The following CDH5 variants were observed in gnomAD, a reference collection of about 807,000 sequenced individuals.
CDH5 encodes the protein cadherin-5.
In CDH5, 28 loss-of-function variants were observed where a neutral mutation model predicts 62.0. The ratio of observed to expected loss-of-function variants is 0.45; its 90% CI spans 0.33 to 0.62. CDH5 has a LOEUF of 0.62. Among genes scored for constraint, CDH5 ranks in the 20% least tolerant of loss-of-function variants. The probability of loss-of-function intolerance (pLI) is 0.02; values close to 1 mark genes in which losing one functional copy is unlikely to be tolerated. For missense variants in CDH5, 940 were observed against 1,065.1 expected (o/e 0.88, Z 1.63); for synonymous variants, 464 against 445.8 (o/e 1.04, Z -0.52).
At chr16:66,384,622 T>G (rs1247579867) in intron 2 of CDH5, among the ~76,000 whole-genome samples, 1 of 130,640 alleles carries the variant, frequency 7.7e-6, no homozygotes, top group African/African-American at 3.0e-5. Flanking sequence ...AGCTTGGTGG[T>G]GCACACTTGT....
intron 1 of CDH5, among the ~76,000 whole-genome samples, chr16:66,372,836 C>T (rs577675252): frequency 6.6e-6 from 1 of 152,322 alleles, no homozygotes; most frequent in South Asian, 2.1e-4. Context: ...CTCACTCCGT[C>T]CTCTCATTTT....
At chr16:66,402,275 G>A (rs1329910368) in intron 11 of CDH5, among the ~76,000 whole-genome samples, 1 of 151,172 alleles carries the variant, frequency 6.6e-6, no homozygotes, top group African/African-American at 2.4e-5. Context: ...CCCCTCCTTA[G>A]GGATCCAAGA....
intron 11 of CDH5, 26 bp from the exon 12 acceptor site, chr16:66,402,624 ACT>A (rs1198830156): frequency 3.3e-6 from 5 of 1,530,578 alleles, no homozygotes; most frequent in Non-Finnish European, 4.4e-6. Context: ...GCCTTGTCTG[ACT>A]CTGCTGCTCG....
At chr16:66,393,694 T>C (rs1161177346) in intron 7 of CDH5, among the ~76,000 whole-genome samples, 1 of 152,260 alleles carries the variant, frequency 6.6e-6, no homozygotes, top group Non-Finnish European at 1.5e-5. Context: ...ATCTTAGATA[T>C]ACATAAAAGT....
intron 2 of CDH5, among the ~76,000 whole-genome samples, chr16:66,381,249 C>G (rs1214524549): frequency 5.3e-5 from 8 of 152,168 alleles, no homozygotes; most frequent in Non-Finnish European, 2.9e-5. Flanking sequence ...TCCACAACAC[C>G]TGTAATGAGG....
At chr16:66,377,314 TG>T (rs1960804040) in intron 1 of CDH5, 1 of 152,234 alleles carries the variant, frequency 6.6e-6, no homozygotes, top group Non-Finnish European at 1.5e-5. Flanking sequence ...CATTTATGGC[TG>T]AGGAAACTGA....
At chr16:66,369,979 T>TG (rs1960655427) in intron 1 of CDH5, among the ~76,000 whole-genome samples, 1 of 110,784 alleles carries the variant, frequency 9.0e-6, no homozygotes, top group Non-Finnish European at 1.8e-5. Context: ...ACTGGAGACT[T>TG]TTTTGTTTGT....
intron 2 of CDH5, among the ~76,000 whole-genome samples, chr16:66,382,728 C>T (rs550316828): frequency 1.2e-4 from 18 of 152,182 alleles, no homozygotes; most frequent in East Asian, 9.7e-4. Context: ...CACAAGGGGT[C>T]GTCACGCTGG....
intron 2 of CDH5, among the ~76,000 whole-genome samples, chr16:66,386,178 C>G (rs1881591973): frequency 6.6e-6 from 1 of 152,192 alleles, no homozygotes; most frequent in African/African-American, 2.4e-5. Flanking sequence ...TAAGCACCTA[C>G]TCTGTTCAGG....
chr16:66,384,366 T>G (rs866617680), intron 2 of CDH5, among the ~76,000 whole-genome samples: 33 of 151,202 alleles, frequency 2.2e-4, no homozygotes, highest in Non-Finnish European at 4.0e-4. Context: ...AGTGCTGGGA[T>G]TACAGGCATG....
chr16:66,383,393 G>C (rs1960930554), intron 2 of CDH5, among the ~76,000 whole-genome samples: 1 of 152,122 alleles, frequency 6.6e-6, no homozygotes, highest in South Asian at 2.1e-4. Flanking sequence ...CAATTTTTCT[G>C]TAAATCTGGA....
At chr16:66,393,992 T>C (rs1226600545) in intron 7 of CDH5, among the ~76,000 whole-genome samples, 3 of 152,218 alleles carry the variant, frequency 2.0e-5, no homozygotes, top group African/African-American at 7.2e-5. Flanking sequence ...TCCAAGGGTT[T>C]ATTTAAGAGA....
At chr16:66,376,503 G>C (rs559770422) in intron 1 of CDH5, 1 of 152,348 alleles carries the variant, frequency 6.6e-6, no homozygotes, top group South Asian at 2.1e-4. Context: ...ACCCTGGGAG[G>C]CCAATTGAAG....
chr16:66,369,228 T>C (rs767291697), intron 1 of CDH5, among the ~76,000 whole-genome samples: 1 of 151,844 alleles, frequency 6.6e-6, no homozygotes, highest in Non-Finnish European at 1.5e-5. Flanking sequence ...TGGTGGTGAA[T>C]GAGATTTCCT....
intron 2 of CDH5, 98 bp from the exon 3 acceptor site, chr16:66,386,711 A>C (rs1960989266): frequency 1.8e-6 from 2 of 1,087,258 alleles, no homozygotes; most frequent in Non-Finnish European, 2.7e-6. Flanking sequence ...CCACATACAC[A>C]CATGCACAGG....
chr16:66,389,598 G>T (rs1961047746), intron 5 of CDH5, 76 bp downstream of exon 5: 2 of 1,302,568 alleles, frequency 1.5e-6, no homozygotes, highest in Admixed American at 5.2e-5. Context: ...TCTGGGAAAA[G>T]AGTTACAAAT....
At chr16:66,387,189 A>G (rs1313898881) in intron 3 of CDH5, 92 bp downstream of exon 3, 9 of 1,242,006 alleles carry the variant, frequency 7.2e-6, no homozygotes, top group Non-Finnish European at 1.0e-5. Context: ...TGGGGTAGGA[A>G]TCCAGTGAGT....
At chr16:66,382,658 G>A (rs1960918038) in intron 2 of CDH5, among the ~76,000 whole-genome samples, 1 of 152,202 alleles carries the variant, frequency 6.6e-6, no homozygotes, top group Admixed American at 6.5e-5. Flanking sequence ...CGCCAGGCCT[G>A]CTGTCATTTG....
chr16:66,381,725 C>A (rs994330674), intron 2 of CDH5, among the ~76,000 whole-genome samples: 1 of 152,188 alleles, frequency 6.6e-6, no homozygotes, highest in African/African-American at 2.4e-5. Flanking sequence ...CAAGGATCAG[C>A]AAACTACCCC....
Sources: allele counts gnomAD v4.1 joint callset (sites outside exome capture counted in the v4.1 genomes callset), GRCh38; gene constraint gnomAD v4.1.1; transcripts MANE v1.5; gene names NCBI Gene and HGNC (gene_info 2026-07-23, HGNC 2026-07-21).